FBXO34: variants seen among roughly 807,000 people sequenced by gnomAD.
The protein encoded by FBXO34 is F-box protein 34.
A neutral mutation model predicts 24.5 loss-of-function variants in FBXO34; 12 were observed. The ratio of observed to expected loss-of-function variants is 0.49; its 90% CI spans 0.31 to 0.79. The LOEUF (loss-of-function observed/expected upper bound fraction) is 0.79, where lower values mean the gene tolerates loss of function less well. Among genes scored for constraint, FBXO34 ranks in the 30% least tolerant of loss-of-function variants. The pLI is 0.04. For synonymous variants in FBXO34, 320 were observed against 311.9 expected, an observed-to-expected ratio of 1.03 and a Z score of -0.27; for missense variants, 823 against 857.7, an observed-to-expected ratio of 0.96 and a Z score of 0.51.
At chr14:55,385,481 C>T in the FBXO34 span, among the ~76,000 whole-genome samples, 1 of 152,188 alleles carries the variant, frequency 6.6e-6, no homozygotes, top group Non-Finnish European at 1.5e-5. Flanking sequence ...TTAGTAGAGA[C>T]AGGGTTTTGC....
At chr14:55,398,368 A>C in the FBXO34 span, among the ~76,000 whole-genome samples, 3 of 152,154 alleles carry the variant, frequency 2.0e-5, no homozygotes, top group African/African-American at 7.2e-5. Context: ...ACTCAGGTCA[A>C]TTTTAAACTT....
chr14:55,388,863 G>A, the FBXO34 span, among the ~76,000 whole-genome samples: 2 of 152,196 alleles, frequency 1.3e-5, no homozygotes, highest in East Asian at 1.9e-4. Context: ...TATTCAAAGT[G>A]TGGCGTCTAG....
At position 55,277,251 on chromosome 14, in the gene FBXO34, G is replaced by T. The variant is rs1171708595; in HGVS notation, c.-11+5714G>T. Among the ~76,000 whole-genome samples the T allele has an allele frequency of 3.3e-5, 5 of 152,172 alleles. No individual in the cohort carries two copies. In the East Asian group the frequency reaches 7.7e-4, roughly 23 times the overall value. Reference sequence around the variant, plus strand: ...TCTACTTTGTTAGAAGTACATTAGGGTCGCATTGTGCTTGGTGTTCAGAGT... The same window carrying T: ...TCTACTTTGTTAGAAGTACATTAGGTTCGCATTGTGCTTGGTGTTCAGAGT... On this transcript the variant is annotated intron_variant, in intron 1 of 1. Coordinates refer to ENST00000313833, the MANE Select transcript of FBXO34 (RefSeq NM_017943.4).
downstream of FBXO34, among the ~76,000 whole-genome samples, chr14:55,365,240 A>AC (rs1884655025): frequency 2.0e-5 from 3 of 149,856 alleles, no homozygotes; most frequent in East Asian, 2.0e-4. Context: ...AAAAAAAAAA[A>AC]AAAAACAAAA....
chr14:55,283,763 G>A (rs548495835), intron 1 of FBXO34, among the ~76,000 whole-genome samples: 1 of 152,064 alleles, frequency 6.6e-6, no homozygotes, highest in South Asian at 2.1e-4. Context: ...GCCCAGCCAA[G>A]AATTTATTCT....
intron 1 of FBXO34, among the ~76,000 whole-genome samples, chr14:55,283,556 C>T (rs928870347): frequency 6.6e-6 from 1 of 151,746 alleles, no homozygotes; most frequent in Non-Finnish European, 1.5e-5. Flanking sequence ...CCTCCACCCC[C>T]TGGGTTCAAG....
At chr14:55,363,892 C>T (rs141063098), downstream of FBXO34, among the ~76,000 whole-genome samples, 126 of 151,900 alleles carry the variant, frequency 8.3e-4, no homozygotes, top group East Asian at 7.7e-3. Context: ...TTACTCAACT[C>T]GCTCTAGCCC....
chr14:55,312,166 C>T lies in FBXO34; in HGVS notation c.-10-38215C>T, dbSNP rs375624402. Among the ~76,000 whole-genome samples, 224 of 152,142 alleles carry T rather than the reference C, an allele frequency of 1.5e-3. 2 individuals carry two copies. Among genetic ancestry groups the T allele is most frequent in the African/African-American group, 5.0e-3 (209 of 41,544 alleles). ...AGTGAGCTGAGATCACACCACTGCA[C>T]TCCAGCCTGGGAGACACAGTGTGAG... On this transcript the variant is annotated intron_variant, in intron 1 of 1. Transcript: ENST00000313833.
chr14:55,430,203 C>G, the FBXO34 span, among the ~76,000 whole-genome samples: 1 of 152,106 alleles, frequency 6.6e-6, no homozygotes, highest in African/African-American at 2.4e-5. Flanking sequence ...TTCCACCCCC[C>G]TCATGGGTTT....
At chr14:55,336,921 C>G (rs920466808) in intron 1 of FBXO34, among the ~76,000 whole-genome samples, 2 of 150,930 alleles carry the variant, frequency 1.3e-5, no homozygotes, top group Non-Finnish European at 3.0e-5. Context: ...GTCTGTCTGA[C>G]TCAGAATCCT....
At chr14:55,314,227 T>G (rs1241912259) in intron 1 of FBXO34, among the ~76,000 whole-genome samples, 1 of 152,010 alleles carries the variant, frequency 6.6e-6, no homozygotes, top group African/African-American at 2.4e-5. Context: ...ACCTGTAATT[T>G]AGTGTTGGGA....
chr14:55,412,325 T>G, the FBXO34 span, among the ~76,000 whole-genome samples: 2 of 152,200 alleles, frequency 1.3e-5, no homozygotes, highest in African/African-American at 4.8e-5. Context: ...GCGCCTGTTC[T>G]CTCGTGTTAA....
intron 1 of FBXO34, chr14:55,271,859 A>G (rs1881157884): frequency 1.3e-5 from 2 of 151,906 alleles, no homozygotes; most frequent in Admixed American, 1.3e-4. Context: ...GTGAGCTTGC[A>G]CCGGACCGGC....
chr14:55,308,433 C>T (rs368806569), intron 1 of FBXO34, among the ~76,000 whole-genome samples: 1 of 152,294 alleles, frequency 6.6e-6, no homozygotes, highest in East Asian at 1.9e-4. Flanking sequence ...AGCCTTGCCT[C>T]GCTGTAGTAC....
At chr14:55,406,661 C>T in the FBXO34 span, among the ~76,000 whole-genome samples, 4 of 152,034 alleles carry the variant, frequency 2.6e-5, no homozygotes, top group East Asian at 1.9e-4. Flanking sequence ...TCCTGGGTCT[C>T]GAGATTCTTT....
chr14:55,333,722 CT>C (rs11406474), intron 1 of FBXO34, among the ~76,000 whole-genome samples: 37 of 145,276 alleles, frequency 2.5e-4, no homozygotes, highest in Admixed American at 4.8e-4. Context: ...GCTGGGGTGG[CT>C]TTTTTTTTTT....
chr14:55,423,737 G>C, the FBXO34 span, among the ~76,000 whole-genome samples: 11,210 of 152,192 alleles, frequency 0.074, 420 homozygotes, highest in Non-Finnish European at 0.085. Flanking sequence ...TTCACACTAC[G>C]ATGGCAGTGC....
downstream of FBXO34, among the ~76,000 whole-genome samples, chr14:55,355,607 A>G (rs890029553): frequency 2.6e-5 from 4 of 152,232 alleles, no homozygotes; most frequent in African/African-American, 9.6e-5. Flanking sequence ...ATTATAAGCA[A>G]TCTAGAGGTG....
chr14:55,405,268 A>C, the FBXO34 span, among the ~76,000 whole-genome samples: 1 of 152,246 alleles, frequency 6.6e-6, no homozygotes, highest in Non-Finnish European at 1.5e-5. Context: ...AAGTATCTAA[A>C]GGATATTTTT....
Sources: gnomAD v4.1 joint callset for allele counts (sites outside exome capture counted in the v4.1 genomes callset) on GRCh38, gnomAD v4.1.1 for gene constraint, MANE v1.5 for transcripts, NCBI Gene and HGNC (gene_info 2026-07-23, HGNC 2026-07-21) for gene names.